Variants in ZNF385D observed in about 807,000 individuals in gnomAD.
ZNF385D encodes the protein zinc finger protein 659.
In ZNF385D, 15 loss-of-function variants were observed where a neutral mutation model predicts 35.8. The ratio of observed to expected loss-of-function variants is 0.42; its 90% CI spans 0.28 to 0.64. The LOEUF is 0.64. ZNF385D is among the 30% of genes least tolerant of loss of function. The pLI is 0.23. For missense variants in ZNF385D, 474 were observed against 494.6 expected, an observed-to-expected ratio of 0.96 and a Z score of 0.39; for synonymous variants, 212 against 186.8, an observed-to-expected ratio of 1.13 and a Z score of -1.10.
intron 2 of ZNF385D, among the ~76,000 whole-genome samples, chr3:21,637,051 T>A (rs1292662291): frequency 6.6e-6 from 1 of 152,060 alleles, no homozygotes; most frequent in African/African-American, 2.4e-5. Context: ...CTGTGAGTTG[T>A]CTGTTTATTC....
chr3:22,191,736 T>G (rs1350158453), intron 2 of ZNF385D, among the ~76,000 whole-genome samples: 1 of 152,168 alleles, frequency 6.6e-6, no homozygotes, highest in Non-Finnish European at 1.5e-5. Flanking sequence ...AATAAATGGT[T>G]TGACTCATAT....
At chr3:21,486,989 G>GA (rs1278091601) in intron 4 of ZNF385D, among the ~76,000 whole-genome samples, 1 of 151,982 alleles carries the variant, frequency 6.6e-6, no homozygotes, top group African/African-American at 2.4e-5. Flanking sequence ...TGGCAAAACC[G>GA]AAAAATAAAT....
rs150158234 is a variant in ZNF385D at position 22,133,170 on chromosome 3, G to T, written c.325+35647C>A. On this transcript the variant is annotated intron_variant, in intron 3 of 5. Coordinates refer to the ZNF385D transcript ENST00000494108. ...AATACCCTCAAATACCCTTCCTGGA[G>T]ATATAAACAAAGGATTTGGATTCTT... Among the ~76,000 whole-genome samples the T allele has an allele frequency of 4.8e-3, 738 of 152,242 alleles. 3 individuals are homozygous for T. The highest frequency in any genetic ancestry group is 8.7e-3 in the Non-Finnish European group (594 of 68,004).
At chr3:21,814,274 G>A (rs756969901) in intron 3 of ZNF385D, among the ~76,000 whole-genome samples, 3 of 152,168 alleles carry the variant, frequency 2.0e-5, no homozygotes, top group Non-Finnish European at 4.4e-5. Flanking sequence ...ATCGATGTTA[G>A]GAAGAAACTG....
At chr3:22,221,822 G>A (rs1455322166) in intron 2 of ZNF385D, among the ~76,000 whole-genome samples, 4 of 152,074 alleles carry the variant, frequency 2.6e-5, no homozygotes, top group African/African-American at 4.8e-5. Flanking sequence ...GTTAAGTTTT[G>A]TCTCCTTTAT....
At chr3:22,355,135 T>C (rs987593322) in intron 2 of ZNF385D, among the ~76,000 whole-genome samples, 5 of 152,110 alleles carry the variant, frequency 3.3e-5, no homozygotes, top group African/African-American at 4.8e-5. Context: ...TCATGTATCA[T>C]GTTGTTGGAA....
chr3:21,827,296 C>G (rs1161191443), intron 3 of ZNF385D, among the ~76,000 whole-genome samples: 1 of 152,024 alleles, frequency 6.6e-6, no homozygotes, highest in Non-Finnish European at 1.5e-5. Context: ...TATATTAATG[C>G]ATCTTTAATA....
chr3:21,788,239 G>A (rs190331734), intron 3 of ZNF385D, among the ~76,000 whole-genome samples: 1 of 152,244 alleles, frequency 6.6e-6, no homozygotes, highest in Non-Finnish European at 1.5e-5. Context: ...AGCACTTCGG[G>A]AGGCCGAGGT....
chr3:21,805,258 T>TGA, intron 3 of ZNF385D, among the ~76,000 whole-genome samples: 1 of 152,286 alleles, frequency 6.6e-6, no homozygotes, highest in Non-Finnish European at 1.5e-5. Context: ...ATTAGGGTAG[T>TGA]GAGAGAGAAT....
At chr3:21,658,388 GATTAA>G (rs1439209940) in intron 2 of ZNF385D, among the ~76,000 whole-genome samples, 8 of 151,912 alleles carry the variant, frequency 5.3e-5, no homozygotes, top group Non-Finnish European at 8.8e-5. Flanking sequence ...CCTAATAAGT[GATTAA>G]ATTAATAATT....
At chr3:21,824,507 A>G (rs1694476125) in intron 3 of ZNF385D, among the ~76,000 whole-genome samples, 1 of 152,140 alleles carries the variant, frequency 6.6e-6, no homozygotes, top group Non-Finnish European at 1.5e-5. Flanking sequence ...TTATGTACAT[A>G]TGTCTGTACA....
At chr3:22,168,350 C>T (rs1388263189) in intron 3 of ZNF385D, 1 of 152,104 alleles carries the variant, frequency 6.6e-6, no homozygotes, top group Admixed American at 6.5e-5. Context: ...CACTAGGAAA[C>T]TCAAAAGTCT....
chr3:22,030,469 GAGAGAGAGACAC>G (rs1332889885), intron 3 of ZNF385D, among the ~76,000 whole-genome samples: 1 of 150,378 alleles, frequency 6.6e-6, no homozygotes, highest in East Asian at 2.0e-4. Flanking sequence ...GAGGGAGGGA[GAGAGAGAGACAC>G]AGAGAGAGAA....
chr3:21,570,191 A>G (rs987459641), intron 2 of ZNF385D, among the ~76,000 whole-genome samples: 1 of 152,302 alleles, frequency 6.6e-6, no homozygotes, highest in East Asian at 1.9e-4. Context: ...CTAAAATTCA[A>G]TTTCAAACTC....
At chr3:21,790,235 C>T (rs181227493) in intron 3 of ZNF385D, among the ~76,000 whole-genome samples, 119 of 123,152 alleles carry the variant, frequency 9.7e-4, no homozygotes, top group African/African-American at 3.6e-3. Context: ...CTTTAAAAAT[C>T]GATGCATATG....
intron 3 of ZNF385D, among the ~76,000 whole-genome samples, chr3:22,151,725 A>T (rs1182446886): frequency 6.6e-6 from 1 of 152,154 alleles, no homozygotes; most frequent in Non-Finnish European, 1.5e-5. Context: ...CTCTTCCAAT[A>T]AACACCTTTA....
chr3:22,313,215 C>T (rs11917818), intron 2 of ZNF385D, among the ~76,000 whole-genome samples: 8,831 of 137,716 alleles, frequency 0.064, 654 homozygotes, highest in African/African-American at 0.19. Context: ...CACATGGACA[C>T]GGGAAGGGGA....
chr3:21,834,902 T>C (rs376789119), intron 3 of ZNF385D, among the ~76,000 whole-genome samples: 1 of 152,156 alleles, frequency 6.6e-6, no homozygotes, highest in Non-Finnish European at 1.5e-5. Context: ...TCCACCATGA[T>C]AGTAAGTTTC....
chr3:21,844,007 C>A (rs946674564), intron 3 of ZNF385D, among the ~76,000 whole-genome samples: 1 of 151,822 alleles, frequency 6.6e-6, no homozygotes, highest in Non-Finnish European at 1.5e-5. Flanking sequence ...GCAAGTAATG[C>A]GTCACACAAA....
Sources: gnomAD v4.1 joint callset for allele counts (sites outside exome capture counted in the v4.1 genomes callset) on GRCh38, gnomAD v4.1.1 for gene constraint, MANE v1.5 for transcripts, NCBI Gene and HGNC (gene_info 2026-07-23, HGNC 2026-07-21) for gene names.